Variants in MSH4 observed in about 807,000 individuals in gnomAD.
MSH4 encodes mutS protein homolog 4.
MSH4 carries 106 observed loss-of-function variants against 113.7 expected under a neutral mutation model. That is an observed-to-expected ratio of 0.93 (90% CI 0.80 to 1.10). MSH4 has a LOEUF of 1.10. MSH4 is among the 50% of genes least tolerant of loss of function. The pLI is 0.00. For missense variants in MSH4, 1,061 were observed against 1,093.7 expected, an observed-to-expected ratio of 0.97 and a Z score of 0.42; for synonymous variants, 368 against 380.2, an observed-to-expected ratio of 0.97 and a Z score of 0.37.
chr1:75,797,085 G>A lies in MSH4; in HGVS notation c.100G>A (p.Gly34Arg), dbSNP rs200848586. 9 of 1,614,000 alleles carry A rather than the reference G, an allele frequency of 5.6e-6. No individual in the cohort carries two copies. In the Admixed American group the frequency reaches 1.5e-4, roughly 27 times the overall value. The change falls in exon 1 of 20, where the codon GGA becomes AGA. Residue 34 changes from glycine (G) to arginine (R), a missense_variant. By Grantham distance (125) the Gly-to-Arg change is moderately radical. Transcript: ENST00000263187. Reference protein sequence around the residue: ...RSPQGPRYNFGLQETPQSRPS... With the variant: ...RSPQGPRYNFRLQETPQSRPS... ...ACCTCAGGGTCCCCGCTACAATTTC[G>A]GACTCCAGGAGACTCCACAGAGCCG...
At chr1:75,810,828 G>GT in intron 4 of MSH4, 21 bp downstream of exon 4, 1 of 1,156,498 alleles carries the variant, frequency 8.6e-7, no homozygotes, top group Non-Finnish European at 1.3e-6. Flanking sequence ...TTTACTGTTT[G>GT]TAACATTCAA....
intron 8 of MSH4, among the ~76,000 whole-genome samples, chr1:75,860,907 T>C (rs889707699): frequency 1.5e-4 from 23 of 152,206 alleles, no homozygotes; most frequent in African/African-American, 5.1e-4. Context: ...ACCAATCAAA[T>C]GTAGATTTGG....
intron 8 of MSH4, among the ~76,000 whole-genome samples, chr1:75,857,880 G>C (rs1056794907): frequency 4.6e-5 from 7 of 152,134 alleles, no homozygotes; most frequent in Non-Finnish European, 8.8e-5. Context: ...TCACGATATT[G>C]ATTCTTCTTA....
intron 7 of MSH4, among the ~76,000 whole-genome samples, chr1:75,837,354 T>G (rs955738001): frequency 6.6e-6 from 1 of 150,896 alleles, no homozygotes; most frequent in African/African-American, 2.4e-5. Flanking sequence ...TGTTCCTCAA[T>G]CACCTGAAAC....
intron 7 of MSH4, among the ~76,000 whole-genome samples, chr1:75,838,666 C>G (rs1435705066): frequency 1.3e-5 from 2 of 152,204 alleles, no homozygotes; most frequent in East Asian, 3.8e-4. Flanking sequence ...TCTTCACTCT[C>G]CATTTTCTCT....
chr1:75,815,120 A>G lies in MSH4; in HGVS notation c.799A>G (p.Met267Val), dbSNP rs1023691493. 3.2e-6 allele frequency: 5 copies of G among 1,559,618 alleles called. No homozygotes were observed. The highest frequency in any genetic ancestry group is 4.3e-6 in the Non-Finnish European group (5 of 1,153,126). ...LCIAEFSTVL[M>V]EVQSKYYCLA... ...CATAGCAGAATTCAGCACTGTCCTAATGGAGGTTCAGTCCAAGTAAGTTAT... is the reference window on the plus strand; with the variant it reads ...CATAGCAGAATTCAGCACTGTCCTAGTGGAGGTTCAGTCCAAGTAAGTTAT... Residue 267 changes from methionine to valine, a missense_variant, in exon 5 of 20, where the codon ATG becomes GTG. Coordinates refer to ENST00000263187, the MANE Select transcript of MSH4 (RefSeq NM_002440.4).
intron 17 of MSH4, among the ~76,000 whole-genome samples, chr1:75,891,451 T>C (rs1311272353): frequency 2.0e-5 from 3 of 152,096 alleles, no homozygotes; most frequent in South Asian, 2.1e-4. Context: ...TATTTATTTT[T>C]ATTATATTTA....
intron 4 of MSH4, among the ~76,000 whole-genome samples, chr1:75,812,480 T>C (rs1650210268): frequency 6.6e-6 from 1 of 152,022 alleles, no homozygotes; most frequent in Non-Finnish European, 1.5e-5. Flanking sequence ...GATCACAAGG[T>C]CAGGAGATCG....
chr1:75,889,461 C>T (rs1652202633), intron 16 of MSH4, 92 bp downstream of exon 16: 1 of 611,892 alleles, frequency 1.6e-6, no homozygotes, highest in African/African-American at 1.9e-5. Context: ...CTAAAATATG[C>T]AGATGTTGCT....
At chr1:75,896,346 A>AACACACACACACAC (rs4035039) in intron 17 of MSH4, among the ~76,000 whole-genome samples, 10 of 137,292 alleles carry the variant, frequency 7.3e-5, no homozygotes, top group African/African-American at 1.8e-4. Context: ...ACACACATAC[A>AACACACACACACAC]ACACACACAC....
rs1210946075 is a variant in MSH4, at chr1:75,896,024, A to G, written c.2356-1883A>G. ...GGGCATTTCTGGATGAGATTAGTAGACTGAATGAAGCATATTGCCTTCCCT... is the reference window on the plus strand; with the variant it reads ...GGGCATTTCTGGATGAGATTAGTAGGCTGAATGAAGCATATTGCCTTCCCT... On this transcript the variant is annotated intron_variant, in intron 17 of 19. Coordinates refer to ENST00000263187, the MANE Select transcript of MSH4 (RefSeq NM_002440.4). 3.9e-5 allele frequency among the ~76,000 whole-genome samples: 6 copies of G among 152,070 alleles called. 1 individual carries two copies. Among genetic ancestry groups the G allele is most frequent in the Admixed American group, 3.9e-4 (6 of 15,254 alleles).
In MSH4 at chr1:75,803,897, A is replaced by G. The variant is rs1361105918; in HGVS notation, c.411A>G (p.Pro137=). Residue 137 remains proline, a synonymous_variant, in exon 2 of 20, where the codon CCA becomes CCG. Transcript: ENST00000263187. ...PQRSGYKSWT[P]QVGYSASSSS... ...GATCAGGTTATAAGAGCTGGACACC[A>G]CAAGTGGGATATTCAGGTAAAATAA... The G allele has an allele frequency of 2.6e-6, 4 of 1,516,440 alleles. No homozygotes were observed. Among genetic ancestry groups the G allele is most frequent in the South Asian group, 2.7e-5 (2 of 73,402 alleles). The allele number at this position is 1,516,440 out of a possible 1,614,324, so 93.9% of individuals were successfully genotyped here.
At chr1:75,814,369 G>A (rs549047172) in intron 4 of MSH4, among the ~76,000 whole-genome samples, 1 of 151,764 alleles carries the variant, frequency 6.6e-6, no homozygotes, top group Non-Finnish European at 1.5e-5. Flanking sequence ...GGAGGATGAA[G>A]CAAGCAGATT....
At chr1:75,849,908 C>A (rs1651150986) in intron 8 of MSH4, among the ~76,000 whole-genome samples, 1 of 152,086 alleles carries the variant, frequency 6.6e-6, no homozygotes, top group Admixed American at 6.6e-5. Flanking sequence ...CTTGAACAAG[C>A]TTTGGTACCT....
intron 8 of MSH4, among the ~76,000 whole-genome samples, chr1:75,853,211 C>T (rs994017891): frequency 2.2e-4 from 34 of 151,960 alleles, no homozygotes; most frequent in African/African-American, 8.0e-4. Flanking sequence ...ATTACAGGCA[C>T]CCGCCACCAT....
chr1:75,854,394 G>T (rs1651270772), intron 8 of MSH4, among the ~76,000 whole-genome samples: 1 of 151,974 alleles, frequency 6.6e-6, no homozygotes, highest in Non-Finnish European at 1.5e-5. Flanking sequence ...CCTCTCTCAG[G>T]CTCAAGCTGC....
In MSH4 at chr1:75,877,079, T is replaced by G; in HGVS notation, c.1370+79T>G. On this transcript the variant is annotated intron_variant, in intron 10 of 19. Coordinates refer to ENST00000263187, the MANE Select transcript of MSH4 (RefSeq NM_002440.4). The stretch of plus-strand genomic sequence containing the variant: ...CATAACTGATTTTAAAGACTCTAAT[T>G]GTATTCTATGGAACAATTACTTGAG... 3.3e-6 allele frequency: 3 copies of G among 907,126 alleles called. No individual in the cohort carries two copies. The South Asian group carries it at 6.3e-5, about 19-fold the overall frequency. 56.2% of individuals were successfully genotyped at this position (907,126 alleles called of 1,614,324 possible). A position where few individuals can be genotyped will look rare whatever the true frequency, so the allele number is the denominator to read the frequency against.
At chr1:75,851,050 G>A (rs376988360) in intron 8 of MSH4, among the ~76,000 whole-genome samples, 39 of 151,868 alleles carry the variant, frequency 2.6e-4, no homozygotes, top group African/African-American at 8.7e-4. Flanking sequence ...CCATCCTTTT[G>A]CTTTTAACTT....
intron 19 of MSH4, among the ~76,000 whole-genome samples, chr1:75,903,951 A>G (rs966762425): frequency 2.6e-5 from 4 of 152,172 alleles, no homozygotes; most frequent in Admixed American, 6.5e-5. Context: ...TCCAGAAGTT[A>G]GAGGAAAGAC....
Sources: gnomAD v4.1 joint callset for allele counts (sites outside exome capture counted in the v4.1 genomes callset) on GRCh38, gnomAD v4.1.1 for gene constraint, MANE v1.5 for transcripts, NCBI Gene and HGNC (gene_info 2026-07-23, HGNC 2026-07-21) for gene names.